The following NAA60 variants were observed in gnomAD, a reference collection of about 807,000 sequenced individuals.
The protein encoded by NAA60 is N-alpha-acetyltransferase 60.
NAA60 carries 8 observed loss-of-function variants against 26.1 expected under a neutral mutation model. That is an observed-to-expected ratio of 0.31 (90% CI 0.18 to 0.55). The LOEUF (loss-of-function observed/expected upper bound fraction) is 0.55, where lower values mean the gene tolerates loss of function less well. Among genes scored for constraint, NAA60 ranks in the 20% least tolerant of loss-of-function variants. The pLI is 0.93. For synonymous variants in NAA60, 131 were observed against 122.5 expected (o/e 1.07, Z -0.46); for missense variants, 290 against 311.3 (o/e 0.93, Z 0.51).
intron 2 of NAA60, among the ~76,000 whole-genome samples, chr16:3,449,290 A>G (rs1198690286): frequency 2.0e-5 from 3 of 152,152 alleles, no homozygotes; most frequent in Non-Finnish European, 2.9e-5. Context: ...AGGCCAAGGC[A>G]GGTGGATCAT....
At chr16:3,453,768 T>C (rs1051777345) in intron 2 of NAA60, among the ~76,000 whole-genome samples, 1 of 152,172 alleles carries the variant, frequency 6.6e-6, no homozygotes, top group Non-Finnish European at 1.5e-5. Flanking sequence ...TCAGAACGTA[T>C]GCAGATTTGT....
chr16:3,462,242 C>T (rs778950730), intron 2 of NAA60, among the ~76,000 whole-genome samples: 5 of 152,074 alleles, frequency 3.3e-5, no homozygotes, highest in African/African-American at 4.8e-5. Flanking sequence ...ATCTTGAAAA[C>T]AACTAACTAT....
intron 3 of NAA60, among the ~76,000 whole-genome samples, chr16:3,477,756 C>T (rs753011198): frequency 3.4e-5 from 5 of 148,284 alleles, no homozygotes; most frequent in African/African-American, 1.3e-4. Flanking sequence ...ATGGTGAAAC[C>T]TCATCTCTAT....
At chr16:3,450,077 G>A (rs1002273194) in intron 2 of NAA60, 2 of 393,666 alleles carry the variant, frequency 5.1e-6, no homozygotes, top group Non-Finnish European at 8.9e-6. Flanking sequence ...AATTTCTTTG[G>A]AAGCAAAATA....
chr16:3,483,418 C>G lies in NAA60; in HGVS notation c.393C>G (p.His131Gln), dbSNP rs1446752830. Residue 131 changes from histidine to glutamine, a missense_variant, in exon 6 of 8, where the codon CAC becomes CAG. Transcript: ENST00000407558. ...ACATATCAACCACCGCCCAGGACCA[C>G]TGCAAAGCCATTTACCTGCATGTCC... ...KDHISTTAQD[H>Q]CKAIYLHVLT... 1.4e-5 allele frequency: 22 copies of G among 1,613,832 alleles called. No homozygotes were observed. Among genetic ancestry groups the G allele is most frequent in the Non-Finnish European group, 1.9e-5 (22 of 1,179,860 alleles).
Position 3,479,494 on chromosome 16 carries a change from A to C in NAA60, c.134A>C (p.Asp45Ala). The C allele has an allele frequency of 6.2e-7, 1 of 1,614,048 alleles. No individual in the cohort carries two copies. Among genetic ancestry groups the C allele is most frequent in the Non-Finnish European group, 8.5e-7 (1 of 1,179,902 alleles). Residue 45 changes from aspartate (D) to alanine (A), a missense_variant, in exon 4 of 8, where the codon GAT becomes GCT. By Grantham distance (126) the Asp-to-Ala change is moderately radical. Coordinates refer to ENST00000407558, the MANE Select transcript of NAA60 (RefSeq NM_001083601.3). Reference sequence around the variant, plus strand: ...AGGTACCCAGACTCATGGTATCGTGATATCACATCCAACAAGAAGTTCTTT... The same window carrying C: ...AGGTACCCAGACTCATGGTATCGTGCTATCACATCCAACAAGAAGTTCTTT... ...PIEYPDSWYR[D>A]ITSNKKFFSL...
At chr16:3,454,192 A>G (rs1056710178) in intron 2 of NAA60, among the ~76,000 whole-genome samples, 2 of 152,178 alleles carry the variant, frequency 1.3e-5, no homozygotes, top group Non-Finnish European at 1.5e-5. Flanking sequence ...TTGCCTCCCT[A>G]TCTCCAAGGC....
At chr16:3,473,748 T>TG (rs1390545220) in intron 2 of NAA60, among the ~76,000 whole-genome samples, 2,983 of 139,764 alleles carry the variant, frequency 0.021, 107 homozygotes, top group African/African-American at 0.091. Flanking sequence ...TTGTTGTTGT[T>TG]TTTTGAGATG....
chr16:3,446,330 G>C (rs936947123), intron 1 of NAA60, among the ~76,000 whole-genome samples: 1 of 152,034 alleles, frequency 6.6e-6, no homozygotes, highest in African/African-American at 2.4e-5. Flanking sequence ...AGGAGATCGA[G>C]ACCATCCTGG....
intron 2 of NAA60, chr16:3,468,246 G>C (rs998504341): frequency 1.3e-5 from 2 of 152,234 alleles, no homozygotes; most frequent in African/African-American, 2.4e-5. Flanking sequence ...CCAATCAGAG[G>C]TACTTTCAGT....
At chr16:3,453,139 G>A (rs908476244) in intron 2 of NAA60, among the ~76,000 whole-genome samples, 2 of 152,054 alleles carry the variant, frequency 1.3e-5, no homozygotes, top group African/African-American at 2.4e-5. Flanking sequence ...ACTCACGCCT[G>A]TAATCCTAGC....
intron 1 of NAA60, 158 bp downstream of exon 1, chr16:3,443,995 TACGTTCACA>T (rs2034447281): frequency 7.6e-6 from 10 of 1,321,814 alleles, no homozygotes; most frequent in Non-Finnish European, 8.8e-6. Context: ...TATCTTTGTG[TACGTTCACA>T]ACGTTCACAT....
At chr16:3,444,849 AAAT>A (rs2034485752) in intron 1 of NAA60, among the ~76,000 whole-genome samples, 1 of 152,232 alleles carries the variant, frequency 6.6e-6, no homozygotes, top group Admixed American at 6.5e-5. Flanking sequence ...TACCAAGAAT[AAAT>A]AATTGTTTGG....
At chr16:3,483,727 C>G (rs1244658734) in intron 6 of NAA60, 130 bp downstream of exon 6, 1 of 705,450 alleles carries the variant, frequency 1.4e-6, no homozygotes, top group Non-Finnish European at 2.5e-6. Context: ...TGCTTCTCTC[C>G]CTTACCTGAT....
In NAA60 at chr16:3,486,846, C is replaced by G. The variant is rs2151027790; in HGVS notation, c.*1586C>G. ...GGACATTTGTCCTCGGGCTCAGAGG[C>G]CCCACCCTGCCCCACACCTGCCCCT... On this transcript the variant is annotated 3_prime_UTR_variant, in exon 8 of 8. Transcript: ENST00000407558. The G allele has an allele frequency of 6.6e-6, 1 of 152,576 alleles. No individual in the cohort carries two copies. Among genetic ancestry groups the G allele is most frequent in the South Asian group, 2.1e-4 (1 of 4,828 alleles). 9.5% of individuals were successfully genotyped at this position (152,576 alleles called of 1,614,324 possible). A position where few individuals can be genotyped will look rare whatever the true frequency, so the allele number is the denominator to read the frequency against.
chr16:3,472,943 C>T (rs1266553720), intron 2 of NAA60, among the ~76,000 whole-genome samples: 3 of 152,220 alleles, frequency 2.0e-5, no homozygotes, highest in Non-Finnish European at 2.9e-5. Context: ...ACTCTTCTCA[C>T]ACCTGACAAG....
At chr16:3,471,420 G>A (rs978303185) in intron 2 of NAA60, among the ~76,000 whole-genome samples, 1 of 152,078 alleles carries the variant, frequency 6.6e-6, no homozygotes, top group East Asian at 1.9e-4. Context: ...GGAGAATGGC[G>A]TGAACCCGGG....
chr16:3,458,422 C>G (rs922373177), intron 2 of NAA60, among the ~76,000 whole-genome samples: 1 of 152,138 alleles, frequency 6.6e-6, no homozygotes, highest in Admixed American at 6.5e-5. Flanking sequence ...GGTCGCGGCT[C>G]TCATGCTGGG....
At chr16:3,462,881 A>G (rs2035501277) in intron 2 of NAA60, among the ~76,000 whole-genome samples, 1 of 152,222 alleles carries the variant, frequency 6.6e-6, no homozygotes, top group Admixed American at 6.5e-5. Flanking sequence ...CCCTTACTCA[A>G]GAAAAGGAAA....
Sources: allele counts gnomAD v4.1 joint callset (sites outside exome capture counted in the v4.1 genomes callset), GRCh38; gene constraint gnomAD v4.1.1; transcripts MANE v1.5; gene names NCBI Gene and HGNC (gene_info 2026-07-23, HGNC 2026-07-21).